MINAR2: variants seen among roughly 807,000 people sequenced by gnomAD.
The protein encoded by MINAR2 is major intrinsically disordered NOTCH2-binding receptor 1-like.
Under a neutral mutation model 16.1 loss-of-function variants are expected in MINAR2, and 21 were observed. That is an observed-to-expected ratio of 1.31 (90% CI 0.93 to 1.88). The LOEUF (loss-of-function observed/expected upper bound fraction) is 1.88, where lower values mean the gene tolerates loss of function less well. MINAR2 is among the 40% of genes most tolerant of loss of function. The pLI is 0.00. For missense variants in MINAR2, 259 were observed against 229.8 expected (o/e 1.13, Z -0.82); for synonymous variants, 86 against 83.0 (o/e 1.04, Z -0.20).
intron 1 of MINAR2, among the ~76,000 whole-genome samples, chr5:129,758,361 C>G (rs1758082016): frequency 6.6e-6 from 1 of 151,862 alleles, no homozygotes; most frequent in South Asian, 2.1e-4. Flanking sequence ...TGATTAAATT[C>G]ATAATAAATT....
rs541897901 is a variant in MINAR2, at chr5:129,755,028, G to T, written c.166-5350G>T. Reference sequence around the variant, plus strand: ...ATTAGCTTAAGAAAATTTTCTACTAGTTCTAGTTCACTAAGAGTGTTTGCT... The same window carrying T: ...ATTAGCTTAAGAAAATTTTCTACTATTTCTAGTTCACTAAGAGTGTTTGCT... On this transcript the variant is annotated intron_variant, in intron 1 of 2. Coordinates refer to ENST00000564719, the MANE Select transcript of MINAR2 (RefSeq NM_001257308.2). Among the ~76,000 whole-genome samples the T allele has an allele frequency of 2.3e-4, 35 of 152,154 alleles. No homozygotes were observed. The South Asian group carries it at 6.8e-3, about 30-fold the overall frequency.
At chr5:129,762,065 C>A (rs752100926) in intron 2 of MINAR2, among the ~76,000 whole-genome samples, 1 of 151,888 alleles carries the variant, frequency 6.6e-6, no homozygotes, top group Non-Finnish European at 1.5e-5. Flanking sequence ...CTAATGCATG[C>A]GGGACTTAAA....
In MINAR2 at chr5:129,761,866, T is replaced by C. The variant is rs1214031239; in HGVS notation, c.393+1261T>C. On this transcript the variant is annotated intron_variant, in intron 2 of 2. Coordinates refer to ENST00000564719, the MANE Select transcript of MINAR2 (RefSeq NM_001257308.2). Reference sequence around the variant, plus strand: ...AAAAAGTTGATCTAACTGAGCAAACTAACAGACAATAACTATAGAACAAGA... The same window carrying C: ...AAAAAGTTGATCTAACTGAGCAAACCAACAGACAATAACTATAGAACAAGA... 5.3e-5 allele frequency among the ~76,000 whole-genome samples: 8 copies of C among 152,036 alleles called. No individual in the cohort carries two copies. The East Asian group carries it at 1.5e-3, about 29-fold the overall frequency.
At chr5:129,749,584 A>T (rs1254135719) in intron 1 of MINAR2, among the ~76,000 whole-genome samples, 3 of 149,376 alleles carry the variant, frequency 2.0e-5, no homozygotes, top group Non-Finnish European at 4.5e-5. Flanking sequence ...TTTAAGTTTT[A>T]AATGAAATGA....
chr5:129,758,103 C>G (rs905237352), intron 1 of MINAR2, among the ~76,000 whole-genome samples: 1 of 151,866 alleles, frequency 6.6e-6, no homozygotes, highest in African/African-American at 2.4e-5. Flanking sequence ...TAAAGTTATG[C>G]TTAATACAGA....
chr5:129,761,185 C>T (rs1561685713), intron 2 of MINAR2, among the ~76,000 whole-genome samples: 1 of 152,234 alleles, frequency 6.6e-6, no homozygotes, highest in South Asian at 2.1e-4. Flanking sequence ...TTAAACCCAA[C>T]TTAAGTTTTT....
At chr5:129,751,063 A>G (rs1285033786) in intron 1 of MINAR2, among the ~76,000 whole-genome samples, 1 of 152,198 alleles carries the variant, frequency 6.6e-6, no homozygotes, top group African/African-American at 2.4e-5. Flanking sequence ...GAGATTCCCT[A>G]GATTTGAAAT....
At chr5:129,757,362 A>T (rs9327538) in intron 1 of MINAR2, among the ~76,000 whole-genome samples, 25,474 of 151,832 alleles carry the variant, frequency 0.17, 2,347 homozygotes, top group East Asian at 0.3. Flanking sequence ...CCAGTTCTCA[A>T]TGTTTACATT....
chr5:129,760,315 C>A, intron 1 of MINAR2, 63 bp from the exon 2 acceptor site: 1 of 1,207,326 alleles, frequency 8.3e-7, no homozygotes, highest in Non-Finnish European at 1.2e-6. Flanking sequence ...AGTTATCTCA[C>A]ATTGCATTCC....
Position 129,760,424 on chromosome 5 carries a change from C to T in MINAR2, c.212C>T (p.Ala71Val). 1 of 1,535,754 alleles carries T rather than the reference C, an allele frequency of 6.5e-7. No homozygotes were observed. The highest frequency in any genetic ancestry group is 1.2e-5 in the South Asian group (1 of 84,050). ...GCTCAACGAATTAGGGGATCCAGTGCAGACAGCCTTGTCACTGCTGATAGC... is the reference window on the plus strand; with the variant it reads ...GCTCAACGAATTAGGGGATCCAGTGTAGACAGCCTTGTCACTGCTGATAGC... Reference protein sequence around the residue: ...IAAQRIRGSSADSLVTADSPP... With the variant: ...IAAQRIRGSSVDSLVTADSPP... Residue 71 changes from alanine (A) to valine (V), a missense_variant, in exon 2 of 3, where the codon GCA becomes GTA. Ala to Val is a moderately conservative substitution (Grantham distance 64, BLOSUM62 0). Coordinates refer to ENST00000564719, the MANE Select transcript of MINAR2 (RefSeq NM_001257308.2).
chr5:129,758,769 A>G (rs1758087594), intron 1 of MINAR2, among the ~76,000 whole-genome samples: 1 of 152,078 alleles, frequency 6.6e-6, no homozygotes, highest in Non-Finnish European at 1.5e-5. Context: ...AGTAAAAATT[A>G]TGCTAAGCTC....
At chr5:129,751,762 G>T (rs1172955310) in intron 1 of MINAR2, among the ~76,000 whole-genome samples, 1 of 152,144 alleles carries the variant, frequency 6.6e-6, no homozygotes, top group East Asian at 1.9e-4. Flanking sequence ...GATTAATTTT[G>T]GGGATGTTTC....
chr5:129,761,876 T>C (rs1216147852), intron 2 of MINAR2, among the ~76,000 whole-genome samples: 1 of 151,864 alleles, frequency 6.6e-6, no homozygotes, highest in East Asian at 1.9e-4. Flanking sequence ...TAACAGACAA[T>C]AACTATAGAA....
chr5:129,758,057 G>A (rs562972319), intron 1 of MINAR2, among the ~76,000 whole-genome samples: 3 of 151,992 alleles, frequency 2.0e-5, no homozygotes, highest in South Asian at 2.1e-4. Flanking sequence ...TTCACACAGA[G>A]TATATAATGA....
In MINAR2 at chr5:129,764,975, A is replaced by G; in HGVS notation, c.485A>G (p.His162Arg). The change falls in exon 3 of 3, where the codon CAT becomes CGT. Residue 162 changes from histidine to arginine, a missense_variant. His to Arg is a conservative substitution (Grantham distance 29). Transcript: ENST00000564719. ...AAAAAGGAAGAGAAACAAGAGAAGCATTCAAAATTCTGTCGTATGGGTCTG... is the reference window on the plus strand; with the variant it reads ...AAAAAGGAAGAGAAACAAGAGAAGCGTTCAAAATTCTGTCGTATGGGTCTG... ...LLKKEEKQEKHSKFCRMGLIL... is the reference protein window; with the variant it reads ...LLKKEEKQEKRSKFCRMGLIL... 4.3e-6 allele frequency: 6 copies of G among 1,407,412 alleles called. No homozygotes were observed. Among genetic ancestry groups the G allele is most frequent in the East Asian group, 2.7e-5 (1 of 37,156 alleles). The allele number at this position is 1,407,412 out of a possible 1,614,324, so 87.2% of individuals were successfully genotyped here. A position where few individuals can be genotyped will look rare whatever the true frequency, so the allele number is the denominator to read the frequency against.
chr5:129,751,062 T>C (rs1485843426), intron 1 of MINAR2, among the ~76,000 whole-genome samples: 1 of 152,234 alleles, frequency 6.6e-6, no homozygotes, highest in Non-Finnish European at 1.5e-5. Flanking sequence ...AGAGATTCCC[T>C]AGATTTGAAA....
chr5:129,757,392 T>C (rs1196798601), intron 1 of MINAR2, among the ~76,000 whole-genome samples: 4 of 152,060 alleles, frequency 2.6e-5, no homozygotes, highest in Admixed American at 2.0e-4. Context: ...TAAATTTTTA[T>C]ATTTTTTTAC....
intron 2 of MINAR2, among the ~76,000 whole-genome samples, chr5:129,764,120 G>T (rs975895968): frequency 6.6e-6 from 1 of 152,196 alleles, no homozygotes; most frequent in African/African-American, 2.4e-5. Context: ...ATGGACAATA[G>T]ACTTTGCAGG....
intron 1 of MINAR2, among the ~76,000 whole-genome samples, chr5:129,748,603 G>A (rs966792707): frequency 1.3e-5 from 2 of 152,008 alleles, no homozygotes; most frequent in Non-Finnish European, 2.9e-5. Flanking sequence ...CCTCATTTTA[G>A]ATTTCAGGTG....
Sources: gnomAD v4.1 joint callset for allele counts (sites outside exome capture counted in the v4.1 genomes callset) on GRCh38, gnomAD v4.1.1 for gene constraint, MANE v1.5 for transcripts, NCBI Gene and HGNC (gene_info 2026-07-23, HGNC 2026-07-21) for gene names.